The following EPHB2 variants were observed in gnomAD, a reference collection of about 807,000 sequenced individuals.
EPHB2 encodes ephrin type-B receptor 2.
Under a neutral mutation model 96.4 loss-of-function variants are expected in EPHB2, and 18 were observed. The observed-to-expected ratio is 0.19, with a 90% CI of 0.13 to 0.28. EPHB2 has a LOEUF of 0.28. EPHB2 is among the 10% of genes least tolerant of loss of function. The pLI, the probability that EPHB2 is intolerant of heterozygous loss-of-function variation, is 1.00. For missense variants in EPHB2, 989 were observed against 1,355.4 expected (o/e 0.73, Z 4.25); for synonymous variants, 506 against 534.1 (o/e 0.95, Z 0.72).
intron 1 of EPHB2, among the ~76,000 whole-genome samples, chr1:22,777,417 G>A (rs1192012337): frequency 1.3e-5 from 2 of 152,148 alleles, no homozygotes; most frequent in Non-Finnish European, 1.5e-5. Context: ...CTCAGCAGAC[G>A]TGAGTTCTCT....
intron 1 of EPHB2, among the ~76,000 whole-genome samples, chr1:22,744,952 C>T (rs952531421): frequency 2.0e-5 from 3 of 152,210 alleles, no homozygotes; most frequent in East Asian, 1.9e-4. Flanking sequence ...TCATCCTCCT[C>T]GTCTTCACGT....
At position 22,914,017 on chromosome 1, in the gene EPHB2, G is replaced by T; in HGVS notation, c.*447G>T. ...AGGGGAGAGACAGGGGCCGCCCTTG[G>T]CTCCTGTCCCTGCTGCTCCTCTAGG... is the stretch of plus-strand genomic sequence containing the variant. On this transcript the variant is annotated 3_prime_UTR_variant, in exon 16 of 16. Coordinates refer to ENST00000374630, the MANE Select transcript of EPHB2 (RefSeq NM_017449.5). 1 of 1,111,540 alleles carries T rather than the reference G, an allele frequency of 9.0e-7. No individual in the cohort carries two copies. Among genetic ancestry groups the T allele is most frequent in the Non-Finnish European group, 1.3e-6 (1 of 799,444 alleles). 68.9% of individuals were successfully genotyped at this position (1,111,540 alleles called of 1,614,324 possible).
chr1:22,840,206 T>C (rs1557705980), intron 3 of EPHB2, among the ~76,000 whole-genome samples: 1 of 152,166 alleles, frequency 6.6e-6, no homozygotes, highest in African/African-American at 2.4e-5. Flanking sequence ...AAGGATTAAA[T>C]GAGATGATGT....
chr1:22,909,691 G>A (rs533054617), intron 13 of EPHB2, among the ~76,000 whole-genome samples: 1 of 152,172 alleles, frequency 6.6e-6, no homozygotes, highest in East Asian at 1.9e-4. Context: ...GTGTGCAAAG[G>A]CTGGGGTTGG....
chr1:22,832,100 G>T (rs367818947), intron 3 of EPHB2, among the ~76,000 whole-genome samples: 1 of 152,150 alleles, frequency 6.6e-6, no homozygotes, highest in Non-Finnish European at 1.5e-5. Flanking sequence ...GGAATAGGGA[G>T]AGCGATGGAG....
Position 22,864,957 on chromosome 1 carries a change from T to C in EPHB2, c.1048T>C (p.Ser350Pro). ...GCTGGAGTGGACCCCTCCCCGCGAC[T>C]CCGGAGGCCGAGAGGACCTCGTCTA... Reference protein sequence around the residue: ...LMLEWTPPRDSGGREDLVYNI... With the variant: ...LMLEWTPPRDPGGREDLVYNI... The change falls in exon 5 of 16, where the codon TCC becomes CCC. Residue 350 changes from serine to proline, a missense_variant. By Grantham distance (74) the Ser-to-Pro change is moderately conservative. Coordinates refer to ENST00000374630, the MANE Select transcript of EPHB2 (RefSeq NM_017449.5). 6.2e-7 allele frequency: 1 copy of C among 1,603,970 alleles called. No individual in the cohort carries two copies. Among genetic ancestry groups the C allele is most frequent in the South Asian group, 1.1e-5 (1 of 89,652 alleles).
intron 14 of EPHB2, 108 bp downstream of exon 14, chr1:22,910,683 A>T: frequency 7.1e-7 from 1 of 1,404,760 alleles, no homozygotes. Context: ...GCAGCTTGGG[A>T]TGGGGAAGGA....
rs974705166 is a variant in EPHB2, at chr1:22,790,305, C to T, written c.811+5229C>T. On this transcript the variant is annotated intron_variant, in intron 3 of 15. Coordinates refer to ENST00000374630, the MANE Select transcript of EPHB2 (RefSeq NM_017449.5). This position sits in a 1 kb window ranked among gnomAD's most constrained non-coding sequence, Gnocchi z 4.0. ...ATTTATTCACCTGTTCATTTTTTAT[C>T]GCATGCCTAATCGGGGTCTACACTG... 2.6e-5 allele frequency among the ~76,000 whole-genome samples: 4 copies of T among 151,906 alleles called. No homozygotes were observed. Among genetic ancestry groups the T allele is most frequent in the Non-Finnish European group, 5.9e-5 (4 of 67,958 alleles).
At chr1:22,714,760 T>C (rs1249723668) in intron 1 of EPHB2, among the ~76,000 whole-genome samples, 1 of 152,198 alleles carries the variant, frequency 6.6e-6, no homozygotes, top group Non-Finnish European at 1.5e-5. Flanking sequence ...AGCTTGTCGG[T>C]TCCCGGCTAG....
intron 3 of EPHB2, chr1:22,800,136 A>T (rs543788313): frequency 6.6e-6 from 1 of 152,308 alleles, no homozygotes; most frequent in Non-Finnish European, 1.5e-5. Flanking sequence ...CCCGGGAGGG[A>T]TGTGCACGCA....
At chr1:22,730,719 C>G (rs1390383130) in intron 1 of EPHB2, among the ~76,000 whole-genome samples, 1 of 152,006 alleles carries the variant, frequency 6.6e-6, no homozygotes, top group Non-Finnish European at 1.5e-5. Flanking sequence ...GCCAGCGTGG[C>G]TGGAGCGGGA....
At position 22,906,976 on chromosome 1, in the gene EPHB2, G is replaced by T. The variant is rs764096856; in HGVS notation, c.2136+19G>T. The T allele has an allele frequency of 6.3e-7, 1 of 1,592,130 alleles. No individual in the cohort carries two copies. Among genetic ancestry groups the T allele is most frequent in the Admixed American group, 1.7e-5 (1 of 57,428 alleles). ...TCTCCGGGTAGGGGAAGCCAAGAGG[G>T]CCAGGGGCCCATGAATGGGGCAGGA... is the stretch of plus-strand genomic sequence containing the variant. On this transcript the variant is annotated intron_variant, in intron 11 of 15. Transcript: ENST00000374630. This position sits in a 1 kb window ranked among gnomAD's most constrained non-coding sequence, Gnocchi z 4.8.
chr1:22,783,783 G>T (rs1478819016), intron 2 of EPHB2, among the ~76,000 whole-genome samples: 2 of 152,138 alleles, frequency 1.3e-5, no homozygotes, highest in Non-Finnish European at 2.9e-5. Context: ...CTCTCCCCAG[G>T]CAGGAAGGGT....
Position 22,790,105 on chromosome 1 carries a change from T to C in EPHB2, c.811+5029T>C, listed in dbSNP as rs1307208918. Among the ~76,000 whole-genome samples, 2 of 152,108 alleles carry C rather than the reference T, an allele frequency of 1.3e-5. No individual in the cohort carries two copies. Among genetic ancestry groups the C allele is most frequent in the African/African-American group, 4.8e-5 (2 of 41,472 alleles). ...AGAAGGCTTCAAGGAGGGAGTAGCATTTGAATTAGGCCTTGAAGAGTGAGT... is the reference window on the plus strand; with the variant it reads ...AGAAGGCTTCAAGGAGGGAGTAGCACTTGAATTAGGCCTTGAAGAGTGAGT... On this transcript the variant is annotated intron_variant, in intron 3 of 15. Coordinates refer to ENST00000374630, the MANE Select transcript of EPHB2 (RefSeq NM_017449.5). This position sits in a 1 kb window ranked among gnomAD's most constrained non-coding sequence, Gnocchi z 4.0.
At chr1:22,870,353 G>A (rs1389003489) in intron 5 of EPHB2, among the ~76,000 whole-genome samples, 1 of 152,120 alleles carries the variant, frequency 6.6e-6, no homozygotes, top group Non-Finnish European at 1.5e-5. Context: ...GAGGGATAAG[G>A]AAACGGGTTG....
chr1:22,800,533 A>C (rs1644827026), intron 3 of EPHB2, among the ~76,000 whole-genome samples: 1 of 152,186 alleles, frequency 6.6e-6, no homozygotes, highest in Non-Finnish European at 1.5e-5. Context: ...ACTGCTGTTG[A>C]GTACGCTCAC....
intron 3 of EPHB2, among the ~76,000 whole-genome samples, chr1:22,849,211 A>G (rs556005337): frequency 1.3e-5 from 2 of 152,242 alleles, no homozygotes; most frequent in South Asian, 2.1e-4. Flanking sequence ...GCTGAGCTGA[A>G]TGCTCTTCTC....
chr1:22,791,127 G>A (rs1644685581), intron 3 of EPHB2, among the ~76,000 whole-genome samples: 1 of 152,036 alleles, frequency 6.6e-6, no homozygotes, highest in Non-Finnish European at 1.5e-5. Flanking sequence ...ACCCAGAAGA[G>A]TGTTATAAAA....
chr1:22,730,339 G>C (rs1213005271), intron 1 of EPHB2, among the ~76,000 whole-genome samples: 1 of 152,246 alleles, frequency 6.6e-6, no homozygotes, highest in Non-Finnish European at 1.5e-5. Context: ...GTGGGCACTT[G>C]GGTGGGAGGT....
Sources: allele counts gnomAD v4.1 joint callset (sites outside exome capture counted in the v4.1 genomes callset), GRCh38; gene constraint gnomAD v4.1.1; non-coding constraint Gnocchi (gnomAD v3.1); transcripts MANE v1.5; gene names NCBI Gene and HGNC (gene_info 2026-07-23, HGNC 2026-07-21).